ITPR1: variants seen among roughly 807,000 people sequenced by gnomAD.
The protein encoded by ITPR1 is inositol 1,4,5-trisphosphate receptor type 1.
ITPR1 carries 96 observed loss-of-function variants against 318.4 expected under a neutral mutation model. The observed-to-expected ratio is 0.30, with a 90% CI of 0.26 to 0.36. The LOEUF (loss-of-function observed/expected upper bound fraction) is 0.36. ITPR1 is among the 10% of genes least tolerant of loss of function. The pLI, the probability that ITPR1 is intolerant of heterozygous loss-of-function variation, is 1.00. For missense variants in ITPR1, 2,440 were observed against 3,460.2 expected (o/e 0.71, Z 7.40); for synonymous variants, 1,312 against 1,289.9 (o/e 1.02, Z -0.37).
chr3:4,768,603 A>AG lies in ITPR1; in HGVS notation c.5821dup (p.Glu1941GlyfsTer3). The AG allele has an allele frequency of 6.2e-7, 1 of 1,613,954 alleles. No individual in the cohort carries two copies. The highest frequency in any genetic ancestry group is 8.5e-7 in the Non-Finnish European group (1 of 1,179,860). ...CAGGAAAGCCTTCACCACTTTCAGG[A>AG]GGGAGGCTGATCCCGACGACCACTA... On this transcript the variant is annotated frameshift_variant, in exon 46 of 62. Coordinates refer to ENST00000649015, the MANE Select transcript of ITPR1 (RefSeq NM_001378452.1). LOFTEE classifies it high-confidence loss of function.
At chr3:4,641,776 A>G (rs1454001922) in intron 6 of ITPR1, among the ~76,000 whole-genome samples, 1 of 152,226 alleles carries the variant, frequency 6.6e-6, no homozygotes, top group African/African-American at 2.4e-5. Flanking sequence ...GCCCGTTCAC[A>G]TAGGGCTAGG....
At chr3:4,551,525 A>C (rs560963623) in intron 4 of ITPR1, among the ~76,000 whole-genome samples, 1 of 152,178 alleles carries the variant, frequency 6.6e-6, no homozygotes, top group Non-Finnish European at 1.5e-5. Flanking sequence ...TCCATGTTTT[A>C]ATTATAAAGG....
intron 2 of ITPR1, among the ~76,000 whole-genome samples, chr3:4,496,314 CATGT>C (rs775429203): frequency 1.1e-5 from 1 of 89,630 alleles, no homozygotes; most frequent in Admixed American, 1.0e-4. Context: ...CTTTCAAGTT[CATGT>C]GTGTGTGTGT....
intron 4 of ITPR1, among the ~76,000 whole-genome samples, chr3:4,561,494 A>T (rs1331921505): frequency 6.6e-6 from 1 of 152,202 alleles, no homozygotes; most frequent in African/African-American, 2.4e-5. Context: ...AATTTTATAG[A>T]ATATGTGTCC....
chr3:4,743,684 G>T (rs1271452647), intron 44 of ITPR1, among the ~76,000 whole-genome samples: 1 of 152,152 alleles, frequency 6.6e-6, no homozygotes, highest in East Asian at 1.9e-4. Context: ...GGCAGAAGTG[G>T]ACAGTTACAT....
At chr3:4,771,630 G>A (rs2046190892) in intron 46 of ITPR1, among the ~76,000 whole-genome samples, 1 of 152,110 alleles carries the variant, frequency 6.6e-6, no homozygotes, top group African/African-American at 2.4e-5. Flanking sequence ...GAACCCCATG[G>A]ACAGAAGCAC....
Position 4,550,399 on chromosome 3 carries a change from C to T in ITPR1, c.163+29305C>T, listed in dbSNP as rs540622926. Among the ~76,000 whole-genome samples, 8 of 152,230 alleles carry T rather than the reference C, an allele frequency of 5.3e-5. No individual in the cohort carries two copies. In the South Asian group the frequency reaches 8.3e-4, roughly 16 times the overall value. ...CGCGCTGCCATCTACCTAACGGGGTCGTGACAGTGATTTTATTGCGTGCTT... is the reference window on the plus strand; with the variant it reads ...CGCGCTGCCATCTACCTAACGGGGTTGTGACAGTGATTTTATTGCGTGCTT... On this transcript the variant is annotated intron_variant, in intron 4 of 61. Coordinates refer to ENST00000649015, the MANE Select transcript of ITPR1 (RefSeq NM_001378452.1).
chr3:4,708,478 A>T (rs1321882021), intron 37 of ITPR1, among the ~76,000 whole-genome samples: 1 of 152,216 alleles, frequency 6.6e-6, no homozygotes, highest in Non-Finnish European at 1.5e-5. Context: ...CAGTTCTTAA[A>T]TAACAAAGAG....
Position 4,621,308 on chromosome 3 carries a change from C to G in ITPR1, c.164-6455C>G, listed in dbSNP as rs189316052. The stretch of plus-strand genomic sequence containing the variant: ...GAAGGTGAAGGGGGAAGAGGCACAT[C>G]ACTCATGACAAGAGCAAGAGATCAA... On this transcript the variant is annotated intron_variant, in intron 4 of 61. Transcript: ENST00000649015. Among the ~76,000 whole-genome samples the G allele has an allele frequency of 4.6e-5, 7 of 152,260 alleles. No individual in the cohort carries two copies. In the East Asian group the frequency reaches 1.4e-3, roughly 29 times the overall value.
intron 13 of ITPR1, among the ~76,000 whole-genome samples, chr3:4,659,731 C>T (rs1291819435): frequency 4.0e-5 from 6 of 151,638 alleles, no homozygotes; most frequent in Non-Finnish European, 7.4e-5. Flanking sequence ...TTGTAATCAT[C>T]TTTAAATAAC....
chr3:4,833,736 G>A (rs1314579049), intron 60 of ITPR1, among the ~76,000 whole-genome samples: 1 of 152,168 alleles, frequency 6.6e-6, no homozygotes, highest in Non-Finnish European at 1.5e-5. Flanking sequence ...TGGCCTCTGT[G>A]AAATGCCCTC....
intron 4 of ITPR1, among the ~76,000 whole-genome samples, chr3:4,532,670 C>T (rs1559397445): frequency 1.3e-5 from 2 of 152,198 alleles, no homozygotes; most frequent in Non-Finnish European, 2.9e-5. Flanking sequence ...GGCACCCTGC[C>T]GAGATTCTAC....
At chr3:4,521,972 C>G (rs145950681) in intron 4 of ITPR1, among the ~76,000 whole-genome samples, 1 of 152,184 alleles carries the variant, frequency 6.6e-6, no homozygotes, top group East Asian at 1.9e-4. Flanking sequence ...GTATCTTTCT[C>G]CAAAGGTAGC....
chr3:4,549,215 A>T (rs2085317612), intron 4 of ITPR1, among the ~76,000 whole-genome samples: 1 of 152,210 alleles, frequency 6.6e-6, no homozygotes, highest in Non-Finnish European at 1.5e-5. Flanking sequence ...TTTTCTTTTT[A>T]AAAATAGACA....
chr3:4,814,644 T>C, intron 58 of ITPR1, 82 bp downstream of exon 58: 1 of 1,276,140 alleles, frequency 7.8e-7, no homozygotes, highest in Non-Finnish European at 1.1e-6. Context: ...GTGTTGAGTG[T>C]AAACTGAAGA....
chr3:4,542,866 C>A (rs2084597330), intron 4 of ITPR1, among the ~76,000 whole-genome samples: 1 of 152,210 alleles, frequency 6.6e-6, no homozygotes, highest in African/African-American at 2.4e-5. Context: ...GTTTCCACTT[C>A]ATTGCGGGCT....
At chr3:4,622,772 A>C (rs1192875392) in intron 4 of ITPR1, among the ~76,000 whole-genome samples, 2 of 152,228 alleles carry the variant, frequency 1.3e-5, no homozygotes, top group Non-Finnish European at 2.9e-5. Context: ...CTTAGAGCTG[A>C]AAGTGACTTC....
chr3:4,601,022 A>G (rs919577575), intron 4 of ITPR1, among the ~76,000 whole-genome samples: 2 of 152,058 alleles, frequency 1.3e-5, no homozygotes, highest in African/African-American at 4.8e-5. Context: ...TAATTGAGGA[A>G]TTCTGTTCTT....
chr3:4,739,356 G>A (rs1430503296), intron 44 of ITPR1, among the ~76,000 whole-genome samples: 1 of 152,174 alleles, frequency 6.6e-6, no homozygotes, highest in Non-Finnish European at 1.5e-5. Context: ...AAGGGAAATG[G>A]GTCTGTGGTC....
Sources: allele counts gnomAD v4.1 joint callset (sites outside exome capture counted in the v4.1 genomes callset), GRCh38; gene constraint gnomAD v4.1.1; transcripts MANE v1.5; gene names NCBI Gene and HGNC (gene_info 2026-07-23, HGNC 2026-07-21).